The following OPHN1 variants were observed in gnomAD, a reference collection of about 807,000 sequenced individuals.
The protein encoded by OPHN1 is oligophrenin 1.
Under a neutral mutation model 60.7 loss-of-function variants are expected in OPHN1, and 11 were observed. That is an observed-to-expected ratio of 0.18 (90% confidence interval 0.11 to 0.30). The LOEUF is 0.30. Among genes scored for constraint, OPHN1 ranks in the 10% least tolerant of loss-of-function variants. The pLI is 1.00. For synonymous variants in OPHN1, 226 were observed against 222.6 expected, an observed-to-expected ratio of 1.02 and a Z score of -0.14; for missense variants, 449 against 611.0, an observed-to-expected ratio of 0.73 and a Z score of 2.80.
chrX:68,072,540 T>C (rs1451617332), intron 20 of OPHN1, among the ~76,000 whole-genome samples: 1 of 111,609 alleles, frequency 9.0e-6, no homozygotes, highest in Non-Finnish European at 1.9e-5. Context: ...CTGTGTCAGA[T>C]GCTACTCACA....
rs762728590 is a variant in OPHN1 at position 68,353,469 on chromosome X, G to A, written c.155-54373C>T. On this transcript the variant is annotated intron_variant, in intron 2 of 24. Coordinates refer to ENST00000355520, the MANE Select transcript of OPHN1 (RefSeq NM_002547.3). ...GGTGCCTGTAATCCCAGCTATTCAG[G>A]AGGCTGAAGCAGGAGAATCGCTTGA... 8.6e-4 allele frequency among the ~76,000 whole-genome samples: 92 copies of A among 106,618 alleles called. 1 individual carries two copies. The highest frequency in any genetic ancestry group is 4.8e-3 in the Middle Eastern group (1 of 209). 92.6% of individuals were successfully genotyped at this position (106,618 alleles called of 115,157 possible).
chrX:68,247,175 G>T (rs1324664201), intron 5 of OPHN1, among the ~76,000 whole-genome samples: 1 of 110,957 alleles, frequency 9.0e-6, no homozygotes, highest in Non-Finnish European at 1.9e-5. Context: ...TCTTCTCAGT[G>T]GTGTCTTCTC....
intron 3 of OPHN1, among the ~76,000 whole-genome samples, chrX:68,294,567 A>G (rs2078085893): frequency 9.2e-6 from 1 of 109,281 alleles, no homozygotes; most frequent in African/African-American, 3.3e-5. Context: ...TGCTATGGTG[A>G]CATTGCAAGT....
At chrX:68,165,736 T>C (rs1003283388) in intron 15 of OPHN1, among the ~76,000 whole-genome samples, 1 of 112,296 alleles carries the variant, frequency 8.9e-6, no homozygotes, top group African/African-American at 3.2e-5. Flanking sequence ...ATATAAATAA[T>C]TGTTTAAAAA....
At chrX:68,198,799 T>C (rs1937832409) in intron 11 of OPHN1, among the ~76,000 whole-genome samples, 1 of 111,250 alleles carries the variant, frequency 9.0e-6, no homozygotes, top group African/African-American at 3.3e-5. Context: ...AGCTGGGAGG[T>C]CCTTTCCATT....
At chrX:68,367,060 A>G (rs1305871337) in intron 2 of OPHN1, among the ~76,000 whole-genome samples, 1 of 111,035 alleles carries the variant, frequency 9.0e-6, no homozygotes, top group Non-Finnish European at 1.9e-5. Flanking sequence ...CCACAGAAAC[A>G]TCAAAAACAC....
At chrX:68,092,085 C>T (rs970887290) in intron 19 of OPHN1, among the ~76,000 whole-genome samples, 2 of 106,168 alleles carry the variant, frequency 1.9e-5, no homozygotes, top group Non-Finnish European at 3.9e-5. Context: ...ACCCTGGATG[C>T]TCTTAAAAGA....
chrX:68,263,301 A>G (rs2077903862), intron 5 of OPHN1, among the ~76,000 whole-genome samples: 1 of 111,940 alleles, frequency 8.9e-6, no homozygotes, highest in Admixed American at 9.5e-5. Flanking sequence ...TGGGAGACCT[A>G]GTAATATGAA....
intron 2 of OPHN1, among the ~76,000 whole-genome samples, chrX:68,327,917 C>A (rs1431408267): frequency 9.7e-6 from 1 of 103,230 alleles, no homozygotes; most frequent in African/African-American, 3.7e-5. Context: ...GCAAGCTCCG[C>A]TTCCTGGGTT....
intron 19 of OPHN1, among the ~76,000 whole-genome samples, chrX:68,089,385 C>T (rs1412806489): frequency 1.8e-5 from 2 of 111,693 alleles, no homozygotes; most frequent in African/African-American, 3.3e-5. Context: ...CACACACACT[C>T]GAAGCCTCCA....
intron 2 of OPHN1, among the ~76,000 whole-genome samples, chrX:68,380,651 A>G (rs981576355): frequency 1.3e-4 from 15 of 111,349 alleles, no homozygotes; most frequent in Admixed American, 4.8e-4. Flanking sequence ...ATTGGTTTCA[A>G]AGAACATCTT....
intron 15 of OPHN1, among the ~76,000 whole-genome samples, chrX:68,151,827 T>C (rs2077286293): frequency 9.0e-6 from 1 of 111,575 alleles, no homozygotes; most frequent in Non-Finnish European, 1.9e-5. Flanking sequence ...TACCTCAGAC[T>C]AGGTAATTTA....
chrX:68,167,681 G>C (rs1459487180), intron 15 of OPHN1, among the ~76,000 whole-genome samples: 1 of 99,350 alleles, frequency 1.0e-5, no homozygotes, highest in Non-Finnish European at 2.0e-5. Context: ...GCATACACAT[G>C]TATATATGTA....
chrX:68,287,508 A>T (rs2078050780), intron 3 of OPHN1, among the ~76,000 whole-genome samples: 2 of 109,941 alleles, frequency 1.8e-5, no homozygotes, highest in South Asian at 7.8e-4. Context: ...ATGCGCTAGT[A>T]AAACAACAAC....
chrX:68,259,923 T>C (rs938751900), intron 5 of OPHN1, among the ~76,000 whole-genome samples: 9 of 112,136 alleles, frequency 8.0e-5, no homozygotes, highest in Admixed American at 7.6e-4. Flanking sequence ...AGCCATTGTC[T>C]CCATGTATGA....
chrX:68,099,547 C>G (rs73524636), intron 18 of OPHN1, among the ~76,000 whole-genome samples: 5,224 of 111,611 alleles, frequency 0.047, 308 homozygotes, highest in African/African-American at 0.16. Context: ...AACAGAATAA[C>G]TTCTAGTTTT....
chrX:68,202,647 G>A (rs1244805788), intron 10 of OPHN1, among the ~76,000 whole-genome samples: 7 of 109,218 alleles, frequency 6.4e-5, no homozygotes, highest in Admixed American at 2.0e-4. Flanking sequence ...TTACAGGTGC[G>A]CACCATGCCC....
chrX:68,263,978 A>G (rs2077908092), intron 5 of OPHN1, among the ~76,000 whole-genome samples: 1 of 111,855 alleles, frequency 8.9e-6, no homozygotes, highest in Non-Finnish European at 1.9e-5. Context: ...CTGTATTTCT[A>G]GTACTCAGCG....
intron 2 of OPHN1, among the ~76,000 whole-genome samples, chrX:68,427,396 G>A (rs2078865678): frequency 9.0e-6 from 1 of 111,485 alleles, no homozygotes; most frequent in Non-Finnish European, 1.9e-5. Context: ...AATTGGGTTA[G>A]TCATTCCTTT....
Sources: gnomAD v4.1 joint callset for allele counts (sites outside exome capture counted in the v4.1 genomes callset) on GRCh38, gnomAD v4.1.1 for gene constraint, MANE v1.5 for transcripts, NCBI Gene and HGNC (gene_info 2026-07-23, HGNC 2026-07-21) for gene names.